CNTNAP3B: variants seen among roughly 807,000 people sequenced by gnomAD.
The protein encoded by CNTNAP3B is contactin-associated protein-like 3B.
CNTNAP3B carries 25 observed loss-of-function variants against 108.9 expected under a neutral mutation model. The ratio of observed to expected loss-of-function variants is 0.23; its 90% CI spans 0.17 to 0.32. CNTNAP3B has a LOEUF of 0.32. Among genes scored for constraint, CNTNAP3B ranks in the 10% least tolerant of loss-of-function variants. The pLI is 1.00. For missense variants in CNTNAP3B, 252 were observed against 1,210.4 expected (o/e 0.21, Z 11.75); for synonymous variants, 103 against 473.4 (o/e 0.22, Z 10.16).
intron 13 of CNTNAP3B, among the ~76,000 whole-genome samples, chr9:41,943,481 T>A (rs1257421458): frequency 1.3e-5 from 2 of 151,952 alleles, no homozygotes; most frequent in African/African-American, 4.8e-5. Flanking sequence ...GCCTCCCGAG[T>A]AGCTGGGACT....
At chr9:41,941,080 G>A (rs2118082691) in intron 13 of CNTNAP3B, among the ~76,000 whole-genome samples, 2 of 150,032 alleles carry the variant, frequency 1.3e-5, no homozygotes, top group South Asian at 2.1e-4. Flanking sequence ...ATGATATTTA[G>A]AAGTGGGGAA....
chr9:42,086,730 C>T (rs1422454306), intron 2 of CNTNAP3B, among the ~76,000 whole-genome samples: 1 of 113,392 alleles, frequency 8.8e-6, no homozygotes, highest in African/African-American at 3.7e-5. Flanking sequence ...CAGGTGTGAG[C>T]CACTGTGCCC....
At chr9:42,070,779 C>A (rs1226609732) in intron 3 of CNTNAP3B, among the ~76,000 whole-genome samples, 1 of 152,154 alleles carries the variant, frequency 6.6e-6, no homozygotes, top group Non-Finnish European at 1.5e-5. Flanking sequence ...TAGTTCCACT[C>A]ACATTTGCTC....
At position 41,985,748 on chromosome 9, in the gene CNTNAP3B, AG is replaced by A. The variant is rs1448434425; in HGVS notation, c.1477+419del. Among the ~76,000 whole-genome samples the A allele has an allele frequency of 3.0e-4, 30 of 100,546 alleles. 1 individual carries two copies. The highest frequency in any genetic ancestry group is 1.3e-3 in the African/African-American group (29 of 22,588). The allele number at this position is 100,546 out of a possible 152,430, so 66.0% of individuals were successfully genotyped here. ...ATTTAGATGTGGACTTAAATATATA[AG>A]TAATATTTTATGTAAGCCAATGACT... On this transcript the variant is annotated intron_variant, in intron 9 of 23. Coordinates refer to ENST00000377561, the MANE Select transcript of CNTNAP3B (RefSeq NM_001201380.3).
At chr9:41,954,361 C>T (rs1324111126) in intron 12 of CNTNAP3B, among the ~76,000 whole-genome samples, 6 of 152,242 alleles carry the variant, frequency 3.9e-5, no homozygotes, top group African/African-American at 7.2e-5. Context: ...ATGGCTTGTG[C>T]GTAAGACAAA....
chr9:42,035,243 C>A (rs915442143), intron 3 of CNTNAP3B, among the ~76,000 whole-genome samples: 2 of 138,556 alleles, frequency 1.4e-5, no homozygotes, highest in Non-Finnish European at 3.1e-5. Context: ...CCACAGTAAT[C>A]CCATAAGGCA....
At chr9:41,969,039 G>A (rs1212372839) in intron 10 of CNTNAP3B, among the ~76,000 whole-genome samples, 21 of 152,394 alleles carry the variant, frequency 1.4e-4, no homozygotes, top group African/African-American at 2.2e-4. Flanking sequence ...CTCGTGATCC[G>A]CCCGCCTTGG....
At chr9:42,123,978 A>G (rs935566185) in intron 1 of CNTNAP3B, among the ~76,000 whole-genome samples, 1 of 127,124 alleles carries the variant, frequency 7.9e-6, no homozygotes, top group Non-Finnish European at 1.6e-5. Flanking sequence ...CTCTGTTTTT[A>G]TACTCTCAAA....
At chr9:41,935,039 A>G (rs1240497102) in intron 14 of CNTNAP3B, among the ~76,000 whole-genome samples, 4 of 152,120 alleles carry the variant, frequency 2.6e-5, no homozygotes, top group African/African-American at 7.2e-5. Flanking sequence ...TGTTATATGT[A>G]TATTTTAGAG....
chr9:41,952,270 A>G (rs1212405977), intron 13 of CNTNAP3B, among the ~76,000 whole-genome samples: 2 of 152,280 alleles, frequency 1.3e-5, no homozygotes, highest in East Asian at 3.9e-4. Flanking sequence ...TGCTACCGAC[A>G]TACACTGTTT....
intron 2 of CNTNAP3B, among the ~76,000 whole-genome samples, chr9:42,089,401 T>C (rs1827771479): frequency 7.8e-6 from 1 of 128,530 alleles, no homozygotes; most frequent in South Asian, 2.5e-4. Flanking sequence ...CCTATTCTGT[T>C]TTGGGATATT....
rs1443400167 is a variant in CNTNAP3B, at chr9:42,096,992, T to TCCAA, written c.196+7633_196+7636dup. On this transcript the variant is annotated intron_variant, in intron 2 of 23. Coordinates refer to ENST00000377561, the MANE Select transcript of CNTNAP3B (RefSeq NM_001201380.3). ...TCTCCAACTCCTGGGCTCAAGGTGA[T>TCCAA]CCAACCGCCTCAGCCTCCCAAAGTG... 3.0e-5 allele frequency among the ~76,000 whole-genome samples: 4 copies of TCCAA among 134,144 alleles called. 1 individual carries two copies. The East Asian group carries it at 9.1e-4, about 31-fold the overall frequency. The allele number at this position is 134,144 out of a possible 152,430, so 88.0% of individuals were successfully genotyped here.
Position 42,094,447 on chromosome 9 carries a change from G to T in CNTNAP3B, c.196+10182C>A, listed in dbSNP as rs1386244696. On this transcript the variant is annotated intron_variant, in intron 2 of 23. Transcript: ENST00000377561. Reference sequence around the variant, plus strand: ...AGGTGGCTGGACTGCTTGAGCCCAGGAATTCAAGACCAGCCTGAGCAACAT... The same window carrying T: ...AGGTGGCTGGACTGCTTGAGCCCAGTAATTCAAGACCAGCCTGAGCAACAT... Among the ~76,000 whole-genome samples, 2 of 128,218 alleles carry T rather than the reference G, an allele frequency of 1.6e-5. 1 individual carries two copies. The highest frequency in any genetic ancestry group is 1.6e-4 in the Admixed American group (2 of 12,684). The allele number at this position is 128,218 out of a possible 152,430, so 84.1% of individuals were successfully genotyped here.
chr9:41,926,862 G>A (rs1823834878), intron 15 of CNTNAP3B: 2 of 152,450 alleles, frequency 1.3e-5, no homozygotes, highest in Non-Finnish European at 2.9e-5. Context: ...GAAATGAAGG[G>A]CTGAGGTAAA....
intron 14 of CNTNAP3B, among the ~76,000 whole-genome samples, chr9:41,932,348 C>A (rs1375141645): frequency 3.3e-5 from 5 of 151,904 alleles, no homozygotes; most frequent in African/African-American, 1.2e-4. Flanking sequence ...ATTAGAAATT[C>A]CTACGGTTCT....
intron 10 of CNTNAP3B, among the ~76,000 whole-genome samples, chr9:41,965,821 C>T (rs1337232577): frequency 4.0e-5 from 6 of 151,100 alleles, no homozygotes; most frequent in Non-Finnish European, 8.9e-5. Flanking sequence ...GCCCCAGGGG[C>T]CTGTATTTGG....
intron 3 of CNTNAP3B, among the ~76,000 whole-genome samples, chr9:42,037,362 C>A (rs1206773298): frequency 8.3e-6 from 1 of 120,742 alleles, no homozygotes; most frequent in African/African-American, 3.3e-5. Context: ...GAACCCACTG[C>A]AAAGAAGCTA....
At chr9:41,988,406 G>T (rs1379404543) in intron 8 of CNTNAP3B, among the ~76,000 whole-genome samples, 1 of 130,410 alleles carries the variant, frequency 7.7e-6, no homozygotes. Flanking sequence ...CCGCCACCAC[G>T]CCTGGCTAAT....
intron 3 of CNTNAP3B, among the ~76,000 whole-genome samples, chr9:42,030,781 A>AT (rs1826503490): frequency 9.1e-6 from 1 of 110,440 alleles, no homozygotes; most frequent in Admixed American, 9.2e-5. Flanking sequence ...AGAGAGAGAG[A>AT]GAGATGTGTG....
Sources: allele counts gnomAD v4.1 joint callset (sites outside exome capture counted in the v4.1 genomes callset), GRCh38; gene constraint gnomAD v4.1.1; transcripts MANE v1.5; gene names NCBI Gene and HGNC (gene_info 2026-07-23, HGNC 2026-07-21).